The following MRPS31 variants were observed in gnomAD, a reference collection of about 807,000 sequenced individuals.
MRPS31 encodes small ribosomal subunit protein mS31.
A neutral mutation model predicts 43.1 loss-of-function variants in MRPS31; 32 were observed. That is an observed-to-expected ratio of 0.74 (90% CI 0.56 to 1.00). The LOEUF (loss-of-function observed/expected upper bound fraction) is 1.00. Among genes scored for constraint, MRPS31 ranks in the 50% least tolerant of loss-of-function variants. The pLI is 0.00. For missense variants in MRPS31, 437 were observed against 466.7 expected (o/e 0.94, Z 0.59); for synonymous variants, 165 against 161.6 (o/e 1.02, Z -0.16).
At chr13:40,761,408 A>AT (rs1290568031) in intron 2 of MRPS31, among the ~76,000 whole-genome samples, 2 of 152,220 alleles carry the variant, frequency 1.3e-5, no homozygotes, top group African/African-American at 4.8e-5. Context: ...TCATTTTCAA[A>AT]TTTTAATATA....
chr13:40,748,987 T>A (rs1054830389), intron 6 of MRPS31, 151 bp downstream of exon 6: 4 of 705,390 alleles, frequency 5.7e-6, no homozygotes, highest in Admixed American at 7.4e-5. Flanking sequence ...ACATCTTTTT[T>A]AAAAAACCTT....
At position 40,761,814 on chromosome 13, in the gene MRPS31, T is replaced by C. The variant is rs79886151; in HGVS notation, c.441-2708A>G. Among the ~76,000 whole-genome samples, 895 of 152,158 alleles carry C rather than the reference T, an allele frequency of 5.9e-3. 7 individuals are homozygous for C. Among genetic ancestry groups the C allele is most frequent in the African/African-American group, 0.021 (860 of 41,494 alleles). Reference sequence around the variant, plus strand: ...GTGGATACTTAAATTGGCACCGCTTTTGGCAGGCAACTTGGTGCCATATAT... The same window carrying C: ...GTGGATACTTAAATTGGCACCGCTTCTGGCAGGCAACTTGGTGCCATATAT... On this transcript the variant is annotated intron_variant, in intron 2 of 6. Coordinates refer to ENST00000323563, the MANE Select transcript of MRPS31 (RefSeq NM_005830.4).
chr13:40,737,148 C>A (rs1219995442), intron 6 of MRPS31, among the ~76,000 whole-genome samples: 1 of 150,056 alleles, frequency 6.7e-6, no homozygotes, highest in Non-Finnish European at 1.5e-5. Flanking sequence ...TCTGATAAAA[C>A]AGACTTTAAA....
intron 1 of MRPS31, chr13:40,770,717 G>A (rs1349915016): frequency 9.3e-6 from 4 of 431,468 alleles, no homozygotes; most frequent in African/African-American, 8.3e-5. Context: ...TAAATCTTGG[G>A]AGGCAAAAGA....
chr13:40,752,128 A>G (rs1295460974), intron 5 of MRPS31: 5 of 151,936 alleles, frequency 3.3e-5, no homozygotes, highest in Non-Finnish European at 5.9e-5. Flanking sequence ...GGTGCAAGTG[A>G]TTCTCCTGCC....
intron 2 of MRPS31, among the ~76,000 whole-genome samples, chr13:40,761,358 C>T (rs925329976): frequency 6.6e-6 from 1 of 151,970 alleles, no homozygotes; most frequent in Non-Finnish European, 1.5e-5. Context: ...TAACCTTGTT[C>T]CAAAGTCATT....
intron 6 of MRPS31, among the ~76,000 whole-genome samples, chr13:40,738,653 T>A (rs1364584052): frequency 2.0e-5 from 3 of 152,206 alleles, no homozygotes; most frequent in African/African-American, 7.2e-5. Flanking sequence ...TCAATAAATG[T>A]AATCCAGCAC....
At chr13:40,729,912 T>C (rs1879629191) in intron 6 of MRPS31, among the ~76,000 whole-genome samples, 1 of 151,958 alleles carries the variant, frequency 6.6e-6, no homozygotes, top group Admixed American at 6.6e-5. Flanking sequence ...TTATTTTTAG[T>C]AGAGACAGGG....
At chr13:40,734,848 A>T (rs534064534) in intron 6 of MRPS31, among the ~76,000 whole-genome samples, 6 of 152,254 alleles carry the variant, frequency 3.9e-5, no homozygotes, top group Admixed American at 3.9e-4. Flanking sequence ...GTGAGCCATG[A>T]TCCTGCCACT....
intron 6 of MRPS31, among the ~76,000 whole-genome samples, chr13:40,734,322 G>A (rs531137339): frequency 5.3e-5 from 8 of 152,308 alleles, no homozygotes. Context: ...AGAAGGGACA[G>A]AAGTCCCAGG....
chr13:40,770,542 T>C (rs558288271), intron 1 of MRPS31, among the ~76,000 whole-genome samples: 1 of 152,360 alleles, frequency 6.6e-6, no homozygotes, highest in Admixed American at 6.5e-5. Flanking sequence ...TCTCAGCTAT[T>C]ACTTCACTAC....
chr13:40,756,852 G>T, intron 4 of MRPS31, 21 bp downstream of exon 4: 1 of 1,611,622 alleles, frequency 6.2e-7, no homozygotes, highest in Non-Finnish European at 8.5e-7. Flanking sequence ...ACAAAACCCA[G>T]CAGATTACAA....
rs73457366 is a variant in MRPS31, at chr13:40,741,008, T to C, written c.958+8130A>G. Among the ~76,000 whole-genome samples the C allele has an allele frequency of 2.2e-3, 339 of 150,862 alleles. 1 individual carries two copies. The highest frequency in any genetic ancestry group is 8.0e-3 in the African/African-American group (328 of 41,202). On this transcript the variant is annotated intron_variant, in intron 6 of 6. Transcript: ENST00000323563. Reference sequence around the variant, plus strand: ...AAACAACACCCCACACAATTGTCCATAGTCATATTAGTGTAAACAATGAAT... The same window carrying C: ...AAACAACACCCCACACAATTGTCCACAGTCATATTAGTGTAAACAATGAAT...
intron 6 of MRPS31, among the ~76,000 whole-genome samples, chr13:40,729,901 T>C (rs1393986250): frequency 6.6e-6 from 1 of 151,988 alleles, no homozygotes; most frequent in African/African-American, 2.4e-5. Flanking sequence ...AGCTAATTTT[T>C]TTATTTTTAG....
At chr13:40,752,661 G>A (rs1350920025) in intron 5 of MRPS31, among the ~76,000 whole-genome samples, 2 of 152,102 alleles carry the variant, frequency 1.3e-5, no homozygotes, top group Non-Finnish European at 2.9e-5. Flanking sequence ...AAAATCAAAA[G>A]TTCGTATAAG....
chr13:40,751,822 T>C (rs768550855), intron 5 of MRPS31, among the ~76,000 whole-genome samples: 2 of 152,210 alleles, frequency 1.3e-5, no homozygotes, highest in Non-Finnish European at 2.9e-5. Context: ...ATTAAAGTTG[T>C]GTGCTATTTT....
intron 6 of MRPS31, chr13:40,731,231 C>A (rs1261191829): frequency 7.1e-6 from 1 of 140,692 alleles, no homozygotes; most frequent in Non-Finnish European, 1.4e-5. Context: ...CTAGCCTGGG[C>A]GACAGAGTGA....
chr13:40,764,079 G>A (rs1880774981), intron 2 of MRPS31, among the ~76,000 whole-genome samples: 1 of 152,134 alleles, frequency 6.6e-6, no homozygotes, highest in African/African-American at 2.4e-5. Context: ...GGTACTCTGG[G>A]GCAGCACAGG....
At chr13:40,759,641 A>G (rs960688487) in intron 2 of MRPS31, among the ~76,000 whole-genome samples, 1 of 152,250 alleles carries the variant, frequency 6.6e-6, no homozygotes, top group African/African-American at 2.4e-5. Context: ...GTTAAATGTT[A>G]AAATTAATGG....
Sources: allele counts gnomAD v4.1 joint callset (sites outside exome capture counted in the v4.1 genomes callset), GRCh38; gene constraint gnomAD v4.1.1; transcripts MANE v1.5; gene names NCBI Gene and HGNC (gene_info 2026-07-23, HGNC 2026-07-21).